The following ROR2 variants were observed in gnomAD, a reference collection of about 807,000 sequenced individuals.
The protein encoded by ROR2 is tyrosine-protein kinase transmembrane receptor ROR2.
ROR2 carries 33 observed loss-of-function variants against 74.9 expected under a neutral mutation model. The observed-to-expected ratio is 0.44, with a 90% CI of 0.33 to 0.59. The LOEUF (loss-of-function observed/expected upper bound fraction) is 0.59. Ranked by LOEUF, ROR2 falls within the 20% of genes least tolerant of loss-of-function variation. ROR2 has a pLI of 0.02. For synonymous variants in ROR2, 586 were observed against 558.7 expected (o/e 1.05, Z -0.69); for missense variants, 1,216 against 1,313.8 (o/e 0.93, Z 1.15).
At chr9:91,783,754 G>C (rs947114802) in intron 1 of ROR2, among the ~76,000 whole-genome samples, 1 of 152,202 alleles carries the variant, frequency 6.6e-6, no homozygotes, top group Non-Finnish European at 1.5e-5. Flanking sequence ...GATGGAGGTG[G>C]AGTTGGCCTT....
chr9:91,734,361 G>A (rs1431161981), intron 5 of ROR2, among the ~76,000 whole-genome samples: 1 of 152,220 alleles, frequency 6.6e-6, no homozygotes, highest in East Asian at 1.9e-4. Flanking sequence ...CCCAGCAGAG[G>A]CTGTGTCCTC....
intron 1 of ROR2, among the ~76,000 whole-genome samples, chr9:91,845,058 GT>G (rs1828886609): frequency 6.6e-6 from 1 of 152,194 alleles, no homozygotes; most frequent in Non-Finnish European, 1.5e-5. Context: ...ACGGTGGCCT[GT>G]AAGGGGAGGG....
At chr9:91,919,996 C>A (rs553416228) in intron 1 of ROR2, among the ~76,000 whole-genome samples, 2 of 152,324 alleles carry the variant, frequency 1.3e-5, no homozygotes, top group East Asian at 3.9e-4. Flanking sequence ...CCACCAGGCT[C>A]CCTTGACCCC....
chr9:91,810,058 G>A (rs1444388314), intron 1 of ROR2, among the ~76,000 whole-genome samples: 2 of 152,214 alleles, frequency 1.3e-5, no homozygotes, highest in Non-Finnish European at 2.9e-5. Flanking sequence ...CCCCAGTCCC[G>A]CCCTTCAGAT....
chr9:91,736,651 T>C (rs375882988), intron 5 of ROR2, among the ~76,000 whole-genome samples: 8 of 152,214 alleles, frequency 5.3e-5, no homozygotes, highest in African/African-American at 1.2e-4. Context: ...TGTAGGACTA[T>C]TGTCTAATTA....
In ROR2 at chr9:91,937,178, G is replaced by A. The variant is rs1418271757; in HGVS notation, c.97+12689C>T. Among the ~76,000 whole-genome samples, 7 of 152,172 alleles carry A rather than the reference G, an allele frequency of 4.6e-5. No individual in the cohort carries two copies. The South Asian group carries it at 1.0e-3, about 23-fold the overall frequency. On this transcript the variant is annotated intron_variant, in intron 1 of 8. Coordinates refer to ENST00000375708, the MANE Select transcript of ROR2 (RefSeq NM_004560.4). ...CGGGATTATAGAATTAAACAGAGAC[G>A]GCTGCTTCAGTCTGTGCTAAAACAA...
At chr9:91,902,046 G>T (rs374457247) in intron 1 of ROR2, among the ~76,000 whole-genome samples, 1 of 152,084 alleles carries the variant, frequency 6.6e-6, no homozygotes, top group South Asian at 2.1e-4. Context: ...TCCACACAAC[G>T]GTTAACATTC....
intron 1 of ROR2, among the ~76,000 whole-genome samples, chr9:91,860,016 T>C (rs186525504): frequency 1.3e-5 from 2 of 152,228 alleles, no homozygotes; most frequent in Admixed American, 1.3e-4. Flanking sequence ...GAGCTCGTCC[T>C]GAAAACAAGC....
At chr9:91,781,284 C>T (rs997483413) in intron 1 of ROR2, among the ~76,000 whole-genome samples, 14 of 152,176 alleles carry the variant, frequency 9.2e-5, no homozygotes, top group African/African-American at 3.4e-4. Context: ...GAATGAATGG[C>T]AAGGACAGAT....
intron 1 of ROR2, among the ~76,000 whole-genome samples, chr9:91,830,809 CGT>C (rs34963566): frequency 0.26 from 36,621 of 139,344 alleles, 4,804 homozygotes; most frequent in East Asian, 0.37. Context: ...TAACTGTGTC[CGT>C]GTGTGTGTGT....
intron 2 of ROR2, among the ~76,000 whole-genome samples, chr9:91,772,201 T>G (rs1423869253): frequency 2.0e-5 from 3 of 152,134 alleles, no homozygotes; most frequent in Non-Finnish European, 2.9e-5. Context: ...AGATAATTCA[T>G]GAGCAAGGGA....
At position 91,724,714 on chromosome 9, in the gene ROR2, G is replaced by A; in HGVS notation, c.1780C>T (p.His594Tyr). The A allele has an allele frequency of 1.2e-6, 2 of 1,614,220 alleles. No individual in the cohort carries two copies. The highest frequency in any genetic ancestry group is 1.7e-6 in the Non-Finnish European group (2 of 1,180,042). The change falls in exon 9 of 9, where the codon CAC becomes TAC. Residue 594 changes from histidine (H) to tyrosine (Y), a missense_variant. By Grantham distance (83) the His-to-Tyr change is moderately conservative (BLOSUM62 2). Coordinates refer to ENST00000375708, the MANE Select transcript of ROR2 (RefSeq NM_004560.4). ...KSALEPPDFV[H>Y]LVAQIAAGME... is the part of the protein sequence containing the mutation. ...CCCGCCGCGATCTGTGCCACAAGGT[G>A]CACGAAGTCGGGGGGCTCCAGGGCG... is the stretch of plus-strand genomic sequence containing the variant.
At chr9:91,885,110 C>T (rs1354053624) in intron 1 of ROR2, among the ~76,000 whole-genome samples, 1 of 152,140 alleles carries the variant, frequency 6.6e-6, no homozygotes, top group Non-Finnish European at 1.5e-5. Context: ...TCTCTAGTTC[C>T]CACCTTTCTC....
chr9:91,937,017 G>A (rs1363961454), intron 1 of ROR2, among the ~76,000 whole-genome samples: 6 of 83,984 alleles, frequency 7.1e-5, no homozygotes, highest in Admixed American at 1.6e-4. Context: ...GCGACAGAGC[G>A]AGACTCCGTC....
chr9:91,885,879 T>TC (rs1830255060), intron 1 of ROR2, among the ~76,000 whole-genome samples: 2 of 148,606 alleles, frequency 1.3e-5, no homozygotes, highest in African/African-American at 4.9e-5. Context: ...TTTTTTTTTT[T>TC]TTTTTTTTTT....
chr9:91,818,181 T>C (rs1052668610), intron 1 of ROR2, among the ~76,000 whole-genome samples: 9 of 152,176 alleles, frequency 5.9e-5, no homozygotes, highest in Non-Finnish European at 7.4e-5. Context: ...CCAACATTTG[T>C]ATAGGTTTCA....
At chr9:91,911,805 T>C (rs969477173) in intron 1 of ROR2, among the ~76,000 whole-genome samples, 1 of 152,052 alleles carries the variant, frequency 6.6e-6, no homozygotes, top group African/African-American at 2.4e-5. Flanking sequence ...ATCTGGCAGA[T>C]AGCTCCTTAA....
chr9:91,945,021 A>C (rs1463177234), intron 1 of ROR2, among the ~76,000 whole-genome samples: 7 of 151,858 alleles, frequency 4.6e-5, no homozygotes, highest in African/African-American at 1.7e-4. Flanking sequence ...GGCCAGAGGT[A>C]GTGAGCCGTG....
intron 4 of ROR2, among the ~76,000 whole-genome samples, chr9:91,749,318 AGT>A (rs1361923579): frequency 6.6e-6 from 1 of 152,238 alleles, no homozygotes; most frequent in Non-Finnish European, 1.5e-5. Flanking sequence ...GGAGGCTGGA[AGT>A]CCAACATCAA....
Sources: gnomAD v4.1 joint callset for allele counts (sites outside exome capture counted in the v4.1 genomes callset) on GRCh38, gnomAD v4.1.1 for gene constraint, MANE v1.5 for transcripts, NCBI Gene and HGNC (gene_info 2026-07-23, HGNC 2026-07-21) for gene names.